The following NBEA variants were observed in gnomAD, a reference collection of about 807,000 sequenced individuals.
NBEA encodes neurobeachin, also known as lysosomal-trafficking regulator 2.
NBEA carries 44 observed loss-of-function variants against 343.4 expected under a neutral mutation model. The ratio of observed to expected loss-of-function variants is 0.13; its 90% CI spans 0.10 to 0.16. The LOEUF (loss-of-function observed/expected upper bound fraction) is 0.16. Among genes scored for constraint, NBEA ranks in the 10% least tolerant of loss-of-function variants. The pLI, the probability that NBEA is intolerant of heterozygous loss-of-function variation, is 1.00. For missense variants in NBEA, 2,555 were observed against 3,631.3 expected (o/e 0.70, Z 7.62); for synonymous variants, 1,175 against 1,238.7 (o/e 0.95, Z 1.08).
chr13:35,213,184 G>A (rs113034533), intron 33 of NBEA, among the ~76,000 whole-genome samples: 1 of 151,872 alleles, frequency 6.6e-6, no homozygotes, highest in Non-Finnish European at 1.5e-5. Context: ...AGGAGTAATA[G>A]GTATACGAAG....
At chr13:35,082,813 C>T (rs151106554) in intron 10 of NBEA, among the ~76,000 whole-genome samples, 6,976 of 152,000 alleles carry the variant, frequency 0.046, 238 homozygotes, top group Non-Finnish European at 0.068. Context: ...AGATTCTGGA[C>T]ATTAGCCCTT....
At chr13:35,613,278 C>T (rs1211055462) in intron 48 of NBEA, among the ~76,000 whole-genome samples, 2 of 150,600 alleles carry the variant, frequency 1.3e-5, no homozygotes, top group African/African-American at 2.4e-5. Flanking sequence ...AGATTCCATA[C>T]ATAAGTGAGA....
intron 34 of NBEA, among the ~76,000 whole-genome samples, chr13:35,243,673 A>G (rs757359309): frequency 2.0e-5 from 3 of 151,954 alleles, no homozygotes; most frequent in Non-Finnish European, 2.9e-5. Context: ...AACAATATAT[A>G]AGGATAAAAG....
intron 38 of NBEA, among the ~76,000 whole-genome samples, chr13:35,407,572 G>A (rs1203278192): frequency 6.7e-6 from 1 of 150,302 alleles, no homozygotes; most frequent in Admixed American, 6.6e-5. Context: ...AGGACAGAAT[G>A]AAGATTTCCT....
intron 41 of NBEA, among the ~76,000 whole-genome samples, chr13:35,513,132 ACTTTTTT>A (rs1296836586): frequency 6.8e-6 from 1 of 147,090 alleles, no homozygotes; most frequent in Non-Finnish European, 1.5e-5. Flanking sequence ...TGAAATTATT[ACTTTTTT>A]CTTTTTTTTT....
chr13:35,338,796 C>T (rs751443722), intron 36 of NBEA, among the ~76,000 whole-genome samples: 1 of 151,966 alleles, frequency 6.6e-6, no homozygotes, highest in Non-Finnish European at 1.5e-5. Flanking sequence ...GGATTATATA[C>T]CTTGATTAAA....
At chr13:35,281,947 CTG>C (rs2152811759) in intron 34 of NBEA, among the ~76,000 whole-genome samples, 1 of 152,100 alleles carries the variant, frequency 6.6e-6, no homozygotes, top group South Asian at 2.1e-4. Flanking sequence ...GAGTCTTACT[CTG>C]TCACCCAGGC....
In NBEA at chr13:35,123,483, G is replaced by T; in HGVS notation, c.2245G>T (p.Val749Leu). 1 of 1,485,496 alleles carries T rather than the reference G, an allele frequency of 6.7e-7. No individual in the cohort carries two copies. The highest frequency in any genetic ancestry group is 1.4e-5 in the South Asian group (1 of 70,460). 92.0% of individuals were successfully genotyped at this position (1,485,496 alleles called of 1,614,324 possible). ...AAAGATAATTTATATATTTTGTAGG[G>T]TGATCTACAAATTATTGGCTTCTAA... The part of the protein sequence containing the change: ...PAFDQRNGIR[V>L]IYKLLASKSE... Residue 749 changes from valine (V) to leucine (L), a missense_variant and splice_region_variant, in exon 17 of 59, where the codon GTG becomes TTG. Around this residue, in one of 21 missense-constraint regions of NBEA, gnomAD observed 360 missense variants for 519.1 expected, o/e 0.69. Transcript: ENST00000379939.
chr13:34,949,536 T>C (rs1235274051), intron 1 of NBEA, among the ~76,000 whole-genome samples: 14 of 152,254 alleles, frequency 9.2e-5, no homozygotes, highest in South Asian at 4.1e-4. Flanking sequence ...TTCTGAGATA[T>C]AGTGGTAGTG....
At chr13:35,567,264 T>C (rs1212180267) in intron 45 of NBEA, among the ~76,000 whole-genome samples, 2 of 152,188 alleles carry the variant, frequency 1.3e-5, no homozygotes, top group Non-Finnish European at 2.9e-5. Context: ...GAGAGTTTTC[T>C]CATATATCCT....
intron 46 of NBEA, among the ~76,000 whole-genome samples, chr13:35,592,606 G>A (rs760276027): frequency 1.4e-4 from 21 of 152,144 alleles, no homozygotes; most frequent in South Asian, 1.2e-3. Context: ...GTTTATACCC[G>A]GCCTAGGGAA....
intron 1 of NBEA, among the ~76,000 whole-genome samples, chr13:35,018,745 C>G (rs1005817619): frequency 2.0e-5 from 3 of 151,856 alleles, no homozygotes; most frequent in Non-Finnish European, 4.4e-5. Context: ...ATTTTTCTTC[C>G]TGTTTTGCAT....
chr13:35,125,273 C>T (rs1288236256), intron 17 of NBEA, among the ~76,000 whole-genome samples: 1 of 152,056 alleles, frequency 6.6e-6, no homozygotes, highest in Non-Finnish European at 1.5e-5. Flanking sequence ...TGGGTAAAAG[C>T]TGTTAAGGCT....
At position 35,655,570 on chromosome 13, in the gene NBEA, G is replaced by A. The variant is rs566469121; in HGVS notation, c.8192-9G>A. ...TAAATGAAGCAAACCTGTCATTTCT[G>A]TGTTGCAGGGAAATTGACTCAGATT... is the stretch of plus-strand genomic sequence containing the variant. On this transcript the variant is annotated splice_polypyrimidine_tract_variant and intron_variant, in intron 54 of 58. Coordinates refer to ENST00000379939, the MANE Select transcript of NBEA (RefSeq NM_001385012.1). 6.2e-7 allele frequency: 1 copy of A among 1,609,682 alleles called. No individual in the cohort carries two copies. Among genetic ancestry groups the A allele is most frequent in the African/African-American group, 1.3e-5 (1 of 74,940 alleles).
intron 41 of NBEA, among the ~76,000 whole-genome samples, chr13:35,491,650 T>G (rs1467574609): frequency 6.6e-6 from 1 of 151,906 alleles, no homozygotes. Flanking sequence ...GCCACCATCA[T>G]CTCTTAATTT....
intron 38 of NBEA, among the ~76,000 whole-genome samples, chr13:35,359,040 G>A (rs2040660132): frequency 6.6e-6 from 1 of 152,136 alleles, no homozygotes; most frequent in East Asian, 1.9e-4. Flanking sequence ...AATAACATGA[G>A]CCAGATGATT....
chr13:35,234,905 C>G (rs1438344825), intron 34 of NBEA, among the ~76,000 whole-genome samples: 3 of 152,172 alleles, frequency 2.0e-5, no homozygotes, highest in Non-Finnish European at 4.4e-5. Flanking sequence ...ATTAGCATTA[C>G]TATTAATGCA....
chr13:35,104,633 T>C (rs1244774148), intron 11 of NBEA, among the ~76,000 whole-genome samples: 3 of 149,540 alleles, frequency 2.0e-5, no homozygotes, highest in Admixed American at 6.7e-5. Flanking sequence ...TTTCATTTTT[T>C]AATTTCTTAA....
intron 38 of NBEA, among the ~76,000 whole-genome samples, chr13:35,423,922 C>G (rs181100739): frequency 2.5e-4 from 38 of 152,020 alleles, no homozygotes; most frequent in Middle Eastern, 3.4e-3. Context: ...ATTGTGAATG[C>G]GAGTTCACTC....
Sources: gnomAD v4.1 joint callset for allele counts (sites outside exome capture counted in the v4.1 genomes callset) on GRCh38, gnomAD v4.1.1 for gene constraint, gnomAD v4.1.1 regional missense constraint, MANE v1.5 for transcripts, NCBI Gene and HGNC (gene_info 2026-07-23, HGNC 2026-07-21) for gene names.